Variants in KLF12 observed in about 807,000 individuals in gnomAD.
The protein encoded by KLF12 is Krueppel-like factor 12.
KLF12 carries 9 observed loss-of-function variants against 37.8 expected under a neutral mutation model. The ratio of observed to expected loss-of-function variants is 0.24; its 90% CI spans 0.14 to 0.42. The LOEUF (loss-of-function observed/expected upper bound fraction) is 0.42. Among genes scored for constraint, KLF12 ranks in the 10% least tolerant of loss-of-function variants. KLF12 has a pLI of 1.00. For missense variants in KLF12, 411 were observed against 516.0 expected (o/e 0.80, Z 1.97); for synonymous variants, 208 against 202.1 (o/e 1.03, Z -0.25).
chr13:74,271,531 G>T, the KLF12 span, among the ~76,000 whole-genome samples: 1 of 152,068 alleles, frequency 6.6e-6, no homozygotes, highest in Non-Finnish European at 1.5e-5. Context: ...TGACTGTGTT[G>T]CATTTATAAT....
chr13:73,801,886 A>G (rs1882295619), intron 5 of KLF12: 1 of 152,192 alleles, frequency 6.6e-6, no homozygotes, highest in Admixed American at 6.6e-5. Flanking sequence ...CTACTTAAAA[A>G]ACAAAAGTAA....
the KLF12 span, among the ~76,000 whole-genome samples, chr13:74,141,107 C>G: frequency 6.6e-6 from 1 of 151,584 alleles, no homozygotes; most frequent in Non-Finnish European, 1.5e-5. Context: ...GAGTATAGCT[C>G]AGGGGTATAG....
intron 7 of KLF12, among the ~76,000 whole-genome samples, chr13:73,706,229 A>G (rs1874938980): frequency 6.6e-6 from 1 of 152,228 alleles, no homozygotes; most frequent in South Asian, 2.1e-4. Flanking sequence ...TTTATATGCT[A>G]ACACAAACAG....
At chr13:73,972,806 G>A (rs554735043) in intron 2 of KLF12, among the ~76,000 whole-genome samples, 20 of 150,926 alleles carry the variant, frequency 1.3e-4, no homozygotes, top group African/African-American at 4.4e-4. Flanking sequence ...TGTTTTGCCC[G>A]TGTGAGAGCT....
the KLF12 span, among the ~76,000 whole-genome samples, chr13:74,179,401 A>C: frequency 6.6e-6 from 1 of 152,228 alleles, no homozygotes; most frequent in African/African-American, 2.4e-5. Context: ...ATCAAGGAAG[A>C]TGCTCTTACT....
chr13:74,290,482 C>A, the KLF12 span, among the ~76,000 whole-genome samples: 1 of 152,228 alleles, frequency 6.6e-6, no homozygotes, highest in Non-Finnish European at 1.5e-5. Context: ...TCCCTCCACC[C>A]CTCTGCGTGA....
At chr13:74,287,465 G>A in the KLF12 span, among the ~76,000 whole-genome samples, 1 of 151,450 alleles carries the variant, frequency 6.6e-6, no homozygotes, top group Non-Finnish European at 1.5e-5. Context: ...AAACTCGGAG[G>A]TGAAAGATGC....
At chr13:74,172,582 T>G in the KLF12 span, among the ~76,000 whole-genome samples, 22 of 152,134 alleles carry the variant, frequency 1.4e-4, 1 homozygote, top group Non-Finnish European at 7.4e-5. Context: ...TATCTTATGC[T>G]TTCACAATAA....
the KLF12 span, among the ~76,000 whole-genome samples, chr13:74,162,533 T>C: frequency 6.6e-6 from 1 of 152,336 alleles, no homozygotes; most frequent in East Asian, 1.9e-4. Flanking sequence ...TTCTTTTGTC[T>C]GTGTGTGTGT....
the KLF12 span, among the ~76,000 whole-genome samples, chr13:74,188,825 G>A: frequency 1.0e-2 from 1,521 of 152,108 alleles, 25 homozygotes; most frequent in African/African-American, 0.031. Context: ...GCGAAACCCC[G>A]TCTTTACTAA....
intron 7 of KLF12, among the ~76,000 whole-genome samples, chr13:73,701,919 A>C (rs1874587817): frequency 6.6e-6 from 1 of 152,166 alleles, no homozygotes; most frequent in South Asian, 2.1e-4. Context: ...AACTAGGAAA[A>C]CTTCTGAAAA....
intron 2 of KLF12, among the ~76,000 whole-genome samples, chr13:73,982,866 A>T (rs1891723674): frequency 6.6e-6 from 1 of 152,026 alleles, no homozygotes; most frequent in Non-Finnish European, 1.5e-5. Context: ...TCAGTATTTC[A>T]GGTTTTCTGT....
chr13:74,174,220 A>G, the KLF12 span, among the ~76,000 whole-genome samples: 2 of 152,034 alleles, frequency 1.3e-5, no homozygotes, highest in Non-Finnish European at 2.9e-5. Context: ...TGTTTAGGAC[A>G]TGTCTGGAAG....
intron 5 of KLF12, among the ~76,000 whole-genome samples, chr13:73,796,507 C>CTGTG (rs5804694): frequency 0.081 from 11,395 of 140,196 alleles, 472 homozygotes; most frequent in African/African-American, 0.092. Context: ...TGCCCCTGTG[C>CTGTG]TGTGTGTGTG....
At chr13:73,873,993 A>T (rs1886591232) in intron 3 of KLF12, among the ~76,000 whole-genome samples, 1 of 152,166 alleles carries the variant, frequency 6.6e-6, no homozygotes, top group Admixed American at 6.6e-5. Context: ...GAACTTGCTT[A>T]AAAAAAGCAA....
chr13:74,112,276 T>C (rs1277655258), intron 1 of KLF12, among the ~76,000 whole-genome samples: 2 of 151,058 alleles, frequency 1.3e-5, no homozygotes, highest in East Asian at 2.0e-4. Context: ...CCTAAAATAT[T>C]ACTGTCTGGC....
At chr13:73,877,065 T>C (rs1474921675) in intron 3 of KLF12, among the ~76,000 whole-genome samples, 1 of 152,158 alleles carries the variant, frequency 6.6e-6, no homozygotes, top group Non-Finnish European at 1.5e-5. Context: ...CTTGCTGTCT[T>C]ACACATTCTA....
At chr13:73,831,985 C>T (rs1884185818) in intron 4 of KLF12, among the ~76,000 whole-genome samples, 1 of 152,192 alleles carries the variant, frequency 6.6e-6, no homozygotes, top group Non-Finnish European at 1.5e-5. Flanking sequence ...TTGCTATTCT[C>T]TACTTACGTG....
intron 3 of KLF12, among the ~76,000 whole-genome samples, chr13:73,849,793 T>A (rs1009328033): frequency 2.6e-5 from 4 of 152,180 alleles, no homozygotes; most frequent in Non-Finnish European, 5.9e-5. Context: ...GTCAACTAAG[T>A]GGGGTTTTTT....
Sources: allele counts gnomAD v4.1 joint callset (sites outside exome capture counted in the v4.1 genomes callset), GRCh38; gene constraint gnomAD v4.1.1; transcripts MANE v1.5; gene names NCBI Gene and HGNC (gene_info 2026-07-23, HGNC 2026-07-21).